Variants in ERC2 observed in about 807,000 individuals in gnomAD.
The protein encoded by ERC2 is ELKS/RAB6-interacting/CAST family member 2, also known as ERC protein 2.
In ERC2, 42 loss-of-function variants were observed where a neutral mutation model predicts 114.8. The ratio of observed to expected loss-of-function variants is 0.37; its 90% CI spans 0.29 to 0.47. ERC2 has a LOEUF of 0.47. ERC2 is among the 20% of genes least tolerant of loss of function. The probability of loss-of-function intolerance (pLI) is 0.99; values close to 1 mark genes in which losing one functional copy is unlikely to be tolerated. For synonymous variants in ERC2, 454 were observed against 425.5 expected (o/e 1.07, Z -0.82); for missense variants, 939 against 1,150.7 (o/e 0.82, Z 2.66).
chr3:55,798,193 G>A (rs1030647367), intron 14 of ERC2, among the ~76,000 whole-genome samples: 4 of 152,072 alleles, frequency 2.6e-5, no homozygotes, highest in Non-Finnish European at 5.9e-5. Context: ...AAACAGAACT[G>A]GTGAAAGATA....
At chr3:55,919,651 A>G (rs974874724) in intron 13 of ERC2, among the ~76,000 whole-genome samples, 7 of 152,196 alleles carry the variant, frequency 4.6e-5, no homozygotes, top group Admixed American at 2.6e-4. Flanking sequence ...AATAAGTAAA[A>G]TGTGTAATAA....
chr3:55,833,295 G>C (rs1046722132), intron 14 of ERC2, among the ~76,000 whole-genome samples: 9 of 150,614 alleles, frequency 6.0e-5, no homozygotes, highest in East Asian at 5.8e-4. Context: ...GCAACTCCAA[G>C]ACACATAATT....
intron 13 of ERC2, among the ~76,000 whole-genome samples, chr3:55,894,127 T>C (rs2063737158): frequency 6.6e-6 from 1 of 152,204 alleles, no homozygotes; most frequent in East Asian, 1.9e-4. Flanking sequence ...AAGTGAATTA[T>C]AACTTTTTTC....
intron 14 of ERC2, among the ~76,000 whole-genome samples, chr3:55,860,942 CGG>C (rs1304407545): frequency 1.3e-5 from 2 of 152,112 alleles, no homozygotes; most frequent in Non-Finnish European, 2.9e-5. Context: ...AGAGACTACA[CGG>C]GTTATTTCAG....
chr3:55,818,556 T>C (rs938050527), intron 14 of ERC2, among the ~76,000 whole-genome samples: 4 of 152,250 alleles, frequency 2.6e-5, no homozygotes, highest in African/African-American at 7.2e-5. Context: ...TCTGCTCAGA[T>C]GAATCTAGGT....
At chr3:56,364,562 G>A (rs2059081122) in intron 2 of ERC2, among the ~76,000 whole-genome samples, 1 of 152,120 alleles carries the variant, frequency 6.6e-6, no homozygotes, top group African/African-American at 2.4e-5. Flanking sequence ...TAGGAGAAAG[G>A]CAGAGGAAGA....
intron 14 of ERC2, among the ~76,000 whole-genome samples, chr3:55,880,090 G>A (rs970935845): frequency 2.6e-5 from 4 of 152,196 alleles, no homozygotes; most frequent in African/African-American, 9.6e-5. Context: ...GTAACTTAAA[G>A]GACAGGGAGG....
intron 14 of ERC2, among the ~76,000 whole-genome samples, chr3:55,776,455 G>A (rs763948710): frequency 2.0e-5 from 3 of 152,180 alleles, no homozygotes; most frequent in Admixed American, 6.5e-5. Context: ...CAGGGAAGCC[G>A]CTGAGTGGAG....
chr3:55,757,392 G>A (rs1033817576), intron 14 of ERC2, among the ~76,000 whole-genome samples: 157 of 152,222 alleles, frequency 1.0e-3, no homozygotes, highest in Middle Eastern at 3.4e-3. Context: ...TAGGTGAGGA[G>A]GTGAGTATTG....
chr3:56,010,723 A>C, intron 8 of ERC2, 134 bp from the exon 9 acceptor site: 2 of 1,050,696 alleles, frequency 1.9e-6, no homozygotes. Context: ...GAAAATCAAA[A>C]TTGGATTCGT....
intron 2 of ERC2, among the ~76,000 whole-genome samples, chr3:56,365,464 C>A (rs1049480116): frequency 6.6e-6 from 1 of 152,208 alleles, no homozygotes; most frequent in Non-Finnish European, 1.5e-5. Flanking sequence ...ATGACAAAAT[C>A]AGCTAACAAC....
rs547421350 is a variant in ERC2, at chr3:55,600,184, G to C, written c.*39+83610C>G. Among the ~76,000 whole-genome samples, 13 of 152,298 alleles carry C rather than the reference G, an allele frequency of 8.5e-5. No homozygotes were observed. In the South Asian group the frequency reaches 1.7e-3, roughly 19 times the overall value. On this transcript the variant is annotated intron_variant, in intron 17 of 17. Coordinates refer to ENST00000288221, the MANE Select transcript of ERC2 (RefSeq NM_015576.3). ...ACATGATAGATATGGGAATTACATAGTGAGAACCTGAGGATAATAGATGCT... is the reference window on the plus strand; with the variant it reads ...ACATGATAGATATGGGAATTACATACTGAGAACCTGAGGATAATAGATGCT...
chr3:55,637,484 A>T (rs1455456501), intron 17 of ERC2, among the ~76,000 whole-genome samples: 20 of 152,118 alleles, frequency 1.3e-4, no homozygotes, highest in Admixed American at 1.2e-3. Context: ...GGCTTGTGTG[A>T]AGGCACAGAC....
chr3:56,119,311 C>T (rs2079439246), intron 6 of ERC2, among the ~76,000 whole-genome samples: 1 of 152,142 alleles, frequency 6.6e-6, no homozygotes, highest in African/African-American at 2.4e-5. Context: ...TTGCATTTCT[C>T]TATGAGAATA....
rs372914017 is a variant in ERC2 at position 55,753,754 on chromosome 3, A to G, written c.2565-18836T>C. Among the ~76,000 whole-genome samples the G allele has an allele frequency of 8.5e-5, 13 of 152,334 alleles. No individual in the cohort carries two copies. The South Asian group carries it at 2.7e-3, about 32-fold the overall frequency. ...CAGTGGTTCATTGAGAGATCTGACAATAATCCATTGGCAAGAAAGAGAATG... is the reference window on the plus strand; with the variant it reads ...CAGTGGTTCATTGAGAGATCTGACAGTAATCCATTGGCAAGAAAGAGAATG... On this transcript the variant is annotated intron_variant, in intron 14 of 17. Transcript: ENST00000288221.
chr3:56,386,916 G>T (rs1344983871), intron 2 of ERC2, among the ~76,000 whole-genome samples: 1 of 152,124 alleles, frequency 6.6e-6, no homozygotes, highest in Non-Finnish European at 1.5e-5. Flanking sequence ...GCATATAAAA[G>T]TGGTTGCAAC....
At chr3:56,239,319 C>A (rs1002517569) in intron 3 of ERC2, among the ~76,000 whole-genome samples, 1 of 151,692 alleles carries the variant, frequency 6.6e-6, no homozygotes, top group Non-Finnish European at 1.5e-5. Flanking sequence ...GAGTTTGCGA[C>A]CAGCGTGGGC....
intron 14 of ERC2, among the ~76,000 whole-genome samples, chr3:55,837,334 G>A (rs1301527388): frequency 1.3e-5 from 2 of 152,102 alleles, no homozygotes; most frequent in Non-Finnish European, 2.9e-5. Context: ...ATTCACAATA[G>A]CAAAGACTTG....
At chr3:56,141,016 T>G (rs1173651122) in intron 5 of ERC2, among the ~76,000 whole-genome samples, 1 of 152,078 alleles carries the variant, frequency 6.6e-6, no homozygotes, top group Non-Finnish European at 1.5e-5. Context: ...AGAGGGAGGC[T>G]CCACTCAAAA....
Sources: gnomAD v4.1 joint callset for allele counts (sites outside exome capture counted in the v4.1 genomes callset) on GRCh38, gnomAD v4.1.1 for gene constraint, MANE v1.5 for transcripts, NCBI Gene and HGNC (gene_info 2026-07-23, HGNC 2026-07-21) for gene names.